The following MPP4 variants were observed in gnomAD, a reference collection of about 807,000 sequenced individuals.
The protein encoded by MPP4 is MAGUK p55 scaffold protein 4.
A neutral mutation model predicts 98.3 loss-of-function variants in MPP4; 91 were observed. The ratio of observed to expected loss-of-function variants is 0.93; its 90% CI spans 0.78 to 1.10. The LOEUF is 1.10. Among genes scored for constraint, MPP4 ranks in the 50% least tolerant of loss-of-function variants. The pLI, the probability that MPP4 is intolerant of heterozygous loss-of-function variation, is 0.00. For missense variants in MPP4, 744 were observed against 792.9 expected, an observed-to-expected ratio of 0.94 and a Z score of 0.74; for synonymous variants, 261 against 271.8, an observed-to-expected ratio of 0.96 and a Z score of 0.39.
chr2:201,655,950 G>A (rs1048213747), intron 17 of MPP4, among the ~76,000 whole-genome samples: 2 of 152,006 alleles, frequency 1.3e-5, no homozygotes, highest in East Asian at 1.9e-4. Flanking sequence ...TAATGACATC[G>A]TAATACTGGT....
intron 10 of MPP4, among the ~76,000 whole-genome samples, chr2:201,676,697 C>T (rs768439098): frequency 9.2e-5 from 14 of 152,116 alleles, no homozygotes; most frequent in East Asian, 3.9e-4. Flanking sequence ...GTCAGGAGTT[C>T]GAGACCAGCT....
chr2:201,653,980 A>G (rs560026021), intron 18 of MPP4, among the ~76,000 whole-genome samples: 6 of 151,008 alleles, frequency 4.0e-5, no homozygotes, highest in African/African-American at 1.2e-4. Flanking sequence ...ATAAGAAAAC[A>G]CTTTTTTTTT....
chr2:201,670,794 G>A (rs551703607), intron 11 of MPP4, among the ~76,000 whole-genome samples: 8 of 152,356 alleles, frequency 5.3e-5, no homozygotes, highest in African/African-American at 1.9e-4. Context: ...AATAGCTCTG[G>A]TCTGCAGCTC....
chr2:201,687,357 T>C lies in MPP4; in HGVS notation c.294A>G (p.Leu98=). 1 of 1,578,864 alleles carries C rather than the reference T, an allele frequency of 6.3e-7. No individual in the cohort carries two copies. The highest frequency in any genetic ancestry group is 8.6e-7 in the Non-Finnish European group (1 of 1,160,524). The change falls in exon 5 of 22, where the codon TTA becomes TTG. Residue 98 remains leucine (L), a synonymous_variant. Transcript: ENST00000409474. The part of the protein sequence containing the change: ...QVLSYEVVEL[L]RETPTSPEIQ... ...TCTCAGGGGAAGTAGGGGTTTCACG[T>C]AATAACTCCACTACCTGGTTCATGG...
chr2:201,690,176 T>C (rs768981326), intron 4 of MPP4, 26 bp downstream of exon 4: 3 of 1,534,926 alleles, frequency 2.0e-6, no homozygotes, highest in South Asian at 2.3e-5. Context: ...AGAGCTCTAC[T>C]ATCCTGTGGA....
At chr2:201,671,843 G>A (rs1458332146) in intron 11 of MPP4, among the ~76,000 whole-genome samples, 9 of 152,244 alleles carry the variant, frequency 5.9e-5, no homozygotes, top group Admixed American at 3.9e-4. Context: ...ACAGATCAAC[G>A]AGACAGAAAA....
At chr2:201,677,603 T>C (rs1241847271) in intron 10 of MPP4, among the ~76,000 whole-genome samples, 1 of 152,226 alleles carries the variant, frequency 6.6e-6, no homozygotes, top group Non-Finnish European at 1.5e-5. Context: ...AAATATTTTA[T>C]GCGCTCATTC....
At chr2:201,656,477 T>C in intron 16 of MPP4, 109 bp from the exon 17 acceptor site, 1 of 1,077,766 alleles carries the variant, frequency 9.3e-7, no homozygotes, top group Non-Finnish European at 1.3e-6. Context: ...TTCATTAATA[T>C]AGTCAGGTCT....
At chr2:201,687,809 A>T (rs1422433709) in intron 4 of MPP4, among the ~76,000 whole-genome samples, 1 of 152,268 alleles carries the variant, frequency 6.6e-6, no homozygotes, top group Non-Finnish European at 1.5e-5. Flanking sequence ...GGGATGCTCC[A>T]TTCTTCAAAT....
At chr2:201,681,132 C>A in intron 9 of MPP4, 98 bp from the exon 10 acceptor site, 1 of 1,208,166 alleles carries the variant, frequency 8.3e-7, no homozygotes, top group Non-Finnish European at 1.2e-6. Flanking sequence ...ACCATTTCTC[C>A]CACTCCTCCA....
At chr2:201,658,422 G>A in intron 16 of MPP4, 55 bp downstream of exon 16, 3 of 1,475,700 alleles carry the variant, frequency 2.0e-6, no homozygotes, top group South Asian at 2.3e-5. Context: ...TGTCAGGTTT[G>A]GAAACATAAT....
intron 21 of MPP4, among the ~76,000 whole-genome samples, chr2:201,647,335 A>AT (rs982210578): frequency 8.6e-5 from 13 of 151,688 alleles, no homozygotes; most frequent in Admixed American, 1.3e-4. Flanking sequence ...CGGCTCAAGG[A>AT]TTTTTTTTTA....
intron 10 of MPP4, among the ~76,000 whole-genome samples, chr2:201,678,014 A>G (rs1056272937): frequency 6.6e-5 from 10 of 152,224 alleles, no homozygotes; most frequent in African/African-American, 2.4e-4. Flanking sequence ...GGTGCCTTCC[A>G]TTATTCTGTC....
At chr2:201,683,532 T>C (rs1372418703) in intron 7 of MPP4, among the ~76,000 whole-genome samples, 1 of 152,134 alleles carries the variant, frequency 6.6e-6, no homozygotes, top group African/African-American at 2.4e-5. Context: ...GTGGACCACT[T>C]GAGGCCAGAA....
chr2:201,691,177 A>G (rs754648663), intron 3 of MPP4, among the ~76,000 whole-genome samples: 3 of 152,206 alleles, frequency 2.0e-5, no homozygotes, highest in African/African-American at 4.8e-5. Flanking sequence ...CTCCTATCTT[A>G]GCTGATCCTG....
At position 201,656,239 on chromosome 2, in the gene MPP4, T is replaced by C; in HGVS notation, c.1259A>G (p.Gln420Arg). The stretch of plus-strand genomic sequence containing the variant: ...GCGGTACTTGTCTGAAGGGCGTCGC[T>C]GGTACCTCACCACCTCCTCGTAAGG... ...GAPYEEVVRY[Q>R]RRPSDKYRLI... Residue 420 changes from glutamine (Q) to arginine (R), a missense_variant, in exon 17 of 22, where the codon CAG (glutamine) becomes CGG (arginine). Physicochemically the swap from Gln to Arg is conservative, Grantham distance 43. Transcript: ENST00000409474. The C allele has an allele frequency of 6.2e-7, 1 of 1,604,818 alleles. No individual in the cohort carries two copies. Among genetic ancestry groups the C allele is most frequent in the Non-Finnish European group, 8.5e-7 (1 of 1,175,688 alleles).
chr2:201,686,039 A>G lies in MPP4; in HGVS notation c.372T>C (p.Ser124=). 6.2e-7 allele frequency: 1 copy of G among 1,611,828 alleles called. No homozygotes were observed. Among genetic ancestry groups the G allele is most frequent in the Non-Finnish European group, 8.5e-7 (1 of 1,178,128 alleles). ...CTTTCTGAGCTATCGTGTCATGGGC[A>G]CTGAGCAAGGCCTGGGCACAGGGAA... ...LQAPHFKALL[S]AHDTIAQKDF... The change falls in exon 6 of 22, where the codon AGT becomes AGC. Residue 124 remains serine, a synonymous_variant. Transcript: ENST00000409474.
intron 20 of MPP4, among the ~76,000 whole-genome samples, chr2:201,649,126 G>A (rs536650674): frequency 6.6e-6 from 1 of 151,936 alleles, no homozygotes; most frequent in South Asian, 2.1e-4. Context: ...AAAATACAAA[G>A]TTCATAAAAA....
At chr2:201,683,163 T>C (rs1244605742) in intron 7 of MPP4, among the ~76,000 whole-genome samples, 1 of 151,770 alleles carries the variant, frequency 6.6e-6, no homozygotes, top group Non-Finnish European at 1.5e-5. Context: ...TTATTTTTGC[T>C]AGTCTGATGT....
Sources: gnomAD v4.1 joint callset for allele counts (sites outside exome capture counted in the v4.1 genomes callset) on GRCh38, gnomAD v4.1.1 for gene constraint, MANE v1.5 for transcripts, NCBI Gene and HGNC (gene_info 2026-07-23, HGNC 2026-07-21) for gene names.